The following EXOC4 variants were observed in gnomAD, a reference collection of about 807,000 sequenced individuals.
EXOC4 encodes the protein exocyst complex component 4.
Under a neutral mutation model 107.2 loss-of-function variants are expected in EXOC4, and 71 were observed. The observed-to-expected ratio is 0.66, with a 90% confidence interval of 0.55 to 0.81. The LOEUF is 0.81. Among genes scored for constraint, EXOC4 ranks in the 30% least tolerant of loss-of-function variants. EXOC4 has a pLI of 0.00. For missense variants in EXOC4, 1,108 were observed against 1,189.6 expected (o/e 0.93, Z 1.01); for synonymous variants, 456 against 441.2 (o/e 1.03, Z -0.42).
At position 133,475,390 on chromosome 7, in the gene EXOC4, A is replaced by G. The variant is rs1381340015; in HGVS notation, c.1245A>G (p.Gln415=). ...NTRTASEPSA[Q]LSYASTGREF... ...GTACGGCCTCTGAACCATCAGCTCA[A>G]CTAAGCTATGCCAGCACTGGACGAG... Residue 415 remains glutamine (Q), a synonymous_variant, in exon 8 of 18, where the codon CAA becomes CAG. Transcript: ENST00000253861. 1 of 1,614,090 alleles carries G rather than the reference A, an allele frequency of 6.2e-7. No homozygotes were observed. Among genetic ancestry groups the G allele is most frequent in the South Asian group, 1.1e-5 (1 of 91,082 alleles).
At chr7:133,714,317 G>A (rs1794956151) in intron 10 of EXOC4, among the ~76,000 whole-genome samples, 1 of 152,084 alleles carries the variant, frequency 6.6e-6, no homozygotes, top group South Asian at 2.1e-4. Context: ...TGACGGAGAG[G>A]TCACCTTGGA....
At chr7:133,446,322 G>A (rs1435347031) in intron 7 of EXOC4, among the ~76,000 whole-genome samples, 1 of 152,062 alleles carries the variant, frequency 6.6e-6, no homozygotes, top group African/African-American at 2.4e-5. Context: ...CCATTTTTTG[G>A]ATTGAGAGAG....
chr7:133,276,315 T>C (rs1793989755), intron 2 of EXOC4, among the ~76,000 whole-genome samples: 1 of 152,186 alleles, frequency 6.6e-6, no homozygotes, highest in Non-Finnish European at 1.5e-5. Context: ...AGTATAACAT[T>C]ATAGTTATGT....
At chr7:133,536,946 A>G (rs1800281619) in intron 9 of EXOC4, among the ~76,000 whole-genome samples, 1 of 152,190 alleles carries the variant, frequency 6.6e-6, no homozygotes, top group African/African-American at 2.4e-5. Context: ...TTGATTCGCC[A>G]GAACTGTATT....
In EXOC4 at chr7:133,429,223, G is replaced by A. The variant is rs12707089; in HGVS notation, c.1183-46105G>A. 5.3e-5 allele frequency among the ~76,000 whole-genome samples: 8 copies of A among 151,716 alleles called. No individual in the cohort carries two copies. In the East Asian group the frequency reaches 5.8e-4, roughly 11 times the overall value. On this transcript the variant is annotated intron_variant, in intron 7 of 17. Coordinates refer to ENST00000253861, the MANE Select transcript of EXOC4 (RefSeq NM_021807.4). ...GAAACATGACTTTTAATTTTTTTTT[G>A]AATCAATCTTGATGTTTATTTTGGA...
chr7:133,750,458 A>G (rs1795772720), intron 10 of EXOC4, among the ~76,000 whole-genome samples: 1 of 152,154 alleles, frequency 6.6e-6, no homozygotes, highest in African/African-American at 2.4e-5. Context: ...ATGAATATAT[A>G]TGTAAAGCAG....
At chr7:133,890,527 G>C (rs924812780) in intron 11 of EXOC4, among the ~76,000 whole-genome samples, 2 of 142,442 alleles carry the variant, frequency 1.4e-5, no homozygotes, top group Non-Finnish European at 3.0e-5. Flanking sequence ...GTAATTTCTA[G>C]GTTTTCTTCT....
chr7:133,760,709 C>G (rs1327781502), intron 10 of EXOC4, among the ~76,000 whole-genome samples: 1 of 150,862 alleles, frequency 6.6e-6, no homozygotes, highest in Non-Finnish European at 1.5e-5. Context: ...ATTGTTTTCA[C>G]TATATTATAA....
intron 9 of EXOC4, among the ~76,000 whole-genome samples, chr7:133,535,381 G>T (rs181243536): frequency 6.6e-6 from 1 of 152,140 alleles, no homozygotes; most frequent in East Asian, 1.9e-4. Flanking sequence ...TGGCTAACAT[G>T]ATGCTAGATA....
chr7:133,818,531 G>C (rs1309962291), intron 11 of EXOC4, among the ~76,000 whole-genome samples: 2 of 152,110 alleles, frequency 1.3e-5, no homozygotes, highest in Non-Finnish European at 2.9e-5. Context: ...TCTTTTTTAT[G>C]AGCAAGCTCT....
intron 9 of EXOC4, among the ~76,000 whole-genome samples, chr7:133,570,308 G>A (rs1201100435): frequency 1.3e-5 from 2 of 152,138 alleles, no homozygotes; most frequent in African/African-American, 4.8e-5. Flanking sequence ...TGATCATCCA[G>A]TTTAGTCACA....
the EXOC4 span, among the ~76,000 whole-genome samples, chr7:134,075,954 T>A: frequency 6.6e-6 from 1 of 152,288 alleles, no homozygotes; most frequent in African/African-American, 2.4e-5. Flanking sequence ...AAGAAATACA[T>A]CTTTGTTGTT....
At chr7:133,901,715 G>C (rs1799455812) in intron 12 of EXOC4, among the ~76,000 whole-genome samples, 1 of 152,194 alleles carries the variant, frequency 6.6e-6, no homozygotes, top group African/African-American at 2.4e-5. Context: ...GCCTTTACCA[G>C]TTCCCATGAC....
At chr7:133,465,418 G>C (rs1460585198) in intron 7 of EXOC4, among the ~76,000 whole-genome samples, 3 of 152,122 alleles carry the variant, frequency 2.0e-5, no homozygotes, top group African/African-American at 7.2e-5. Context: ...TGACTGAAAG[G>C]AGTAGTGGAA....
At chr7:133,842,656 T>C (rs951442277) in intron 11 of EXOC4, among the ~76,000 whole-genome samples, 7 of 152,146 alleles carry the variant, frequency 4.6e-5, no homozygotes, top group African/African-American at 1.7e-4. Flanking sequence ...TTAATTAGGT[T>C]CCATTTATTG....
At chr7:133,780,039 G>A (rs1796430324) in intron 10 of EXOC4, among the ~76,000 whole-genome samples, 1 of 152,150 alleles carries the variant, frequency 6.6e-6, no homozygotes, top group Non-Finnish European at 1.5e-5. Context: ...ACACCCTGAT[G>A]GTGTGCTGGC....
chr7:134,080,582 C>T, the EXOC4 span, among the ~76,000 whole-genome samples: 44 of 151,840 alleles, frequency 2.9e-4, no homozygotes, highest in Non-Finnish European at 5.6e-4. Flanking sequence ...AGGAGAATGA[C>T]GGTAGTGGCT....
intron 6 of EXOC4, 94 bp from the exon 7 acceptor site, chr7:133,374,733 GC>G: frequency 1.0e-6 from 1 of 954,896 alleles, no homozygotes; most frequent in Non-Finnish European, 1.6e-6. Flanking sequence ...ATTGTAGAAT[GC>G]TACTTTAGTT....
chr7:133,677,315 G>A (rs959389070), intron 10 of EXOC4, among the ~76,000 whole-genome samples: 10 of 152,134 alleles, frequency 6.6e-5, no homozygotes, highest in Admixed American at 3.9e-4. Context: ...ATGGGTCAAA[G>A]TGCCGTATGC....
Sources: allele counts gnomAD v4.1 joint callset (sites outside exome capture counted in the v4.1 genomes callset), GRCh38; gene constraint gnomAD v4.1.1; transcripts MANE v1.5; gene names NCBI Gene and HGNC (gene_info 2026-07-23, HGNC 2026-07-21).